MAST3: variants seen among roughly 807,000 people sequenced by gnomAD.
MAST3 encodes the protein microtubule-associated serine/threonine-protein kinase 3.
Under a neutral mutation model 127.0 loss-of-function variants are expected in MAST3, and 43 were observed. The observed-to-expected ratio is 0.34, with a 90% CI of 0.27 to 0.44. The LOEUF (loss-of-function observed/expected upper bound fraction) is 0.44. Ranked by LOEUF, MAST3 falls within the 20% of genes least tolerant of loss-of-function variation. MAST3 has a pLI of 1.00. For missense variants in MAST3, 1,390 were observed against 1,919.1 expected, an observed-to-expected ratio of 0.72 and a Z score of 5.15; for synonymous variants, 785 against 809.2, an observed-to-expected ratio of 0.97 and a Z score of 0.51.
rs2043421528 is a variant in MAST3 at position 18,149,990 on chromosome 19, T to C, written c.*264T>C. On this transcript the variant is annotated 3_prime_UTR_variant, in exon 28 of 28. Coordinates refer to ENST00000687212, the MANE Select transcript of MAST3 (RefSeq NM_001393504.1). This position sits in a 1 kb window ranked among gnomAD's most constrained non-coding sequence, Gnocchi z 5.9. ...TAATTTATTACTTTTTTTTTCTTTT[T>C]TTTTTTTTTTTTTTGAGACAGAGTC... 2.4e-5 allele frequency: 8 copies of C among 330,152 alleles called. No individual in the cohort carries two copies. Among genetic ancestry groups the C allele is most frequent in the Admixed American group, 5.2e-5 (1 of 19,238 alleles). 20.5% of individuals were successfully genotyped at this position (330,152 alleles called of 1,614,324 possible). A position where few individuals can be genotyped will look rare whatever the true frequency, so the allele number is the denominator to read the frequency against.
intron 1 of MAST3, among the ~76,000 whole-genome samples, chr19:18,104,793 A>G (rs966895532): frequency 6.6e-6 from 1 of 152,204 alleles, no homozygotes; most frequent in African/African-American, 2.4e-5. Flanking sequence ...GAGGTGGCTC[A>G]GTAAATGCAA....
At chr19:18,119,607 G>A (rs942678756) in intron 3 of MAST3, among the ~76,000 whole-genome samples, 4 of 152,184 alleles carry the variant, frequency 2.6e-5, no homozygotes, top group African/African-American at 2.4e-5. Flanking sequence ...CTGCCCTCCC[G>A]GCGTGAGCCA....
rs368254046 is a variant in MAST3 at position 18,137,223 on chromosome 19, C to A, written c.1973-16C>A. On this transcript the variant is annotated splice_polypyrimidine_tract_variant and intron_variant, in intron 18 of 27. Coordinates refer to ENST00000687212, the MANE Select transcript of MAST3 (RefSeq NM_001393504.1). The stretch of plus-strand genomic sequence containing the variant: ...TGAGGTGAGGACCTGCAGGGCTCAG[C>A]GGGGCATATCTGCAGGTGGCACCCA... 1 of 1,604,278 alleles carries A rather than the reference C, an allele frequency of 6.2e-7. No homozygotes were observed. Among genetic ancestry groups the A allele is most frequent in the Admixed American group, 1.7e-5 (1 of 59,532 alleles).
Position 18,110,032 on chromosome 19 carries a change from G to A in MAST3, c.72-620G>A. 1 of 985,358 alleles carries A rather than the reference G, an allele frequency of 1.0e-6. No individual in the cohort carries two copies. The highest frequency in any genetic ancestry group is 6.1e-5 in the Admixed American group (1 of 16,278). The allele number at this position is 985,358 out of a possible 1,614,324, so 61.0% of individuals were successfully genotyped here. ...GGGCTCCCAAGCCGGCGGCCTCGGCGTCCCTGCGGCAGACAGGGCGGCACC... is the reference window on the plus strand; with the variant it reads ...GGGCTCCCAAGCCGGCGGCCTCGGCATCCCTGCGGCAGACAGGGCGGCACC... On this transcript the variant is annotated intron_variant, in intron 2 of 27. Transcript: ENST00000687212. This position sits in a 1 kb window ranked among gnomAD's most constrained non-coding sequence, Gnocchi z 4.3.
intron 1 of MAST3, among the ~76,000 whole-genome samples, chr19:18,100,126 C>CTTTTTTTTTTT (rs201140700): frequency 2.1e-4 from 24 of 117,028 alleles, no homozygotes; most frequent in African/African-American, 6.4e-4. Flanking sequence ...CTCTCTCTCT[C>CTTTTTTTTTTT]TCTTTTTTTT....
chr19:18,135,489 T>A (rs1206786108), intron 17 of MAST3, among the ~76,000 whole-genome samples: 1 of 150,190 alleles, frequency 6.7e-6, no homozygotes, highest in Non-Finnish European at 1.5e-5. Context: ...AGAAGTGACA[T>A]GTGAGCAGAG....
chr19:18,123,506 G>T, intron 7 of MAST3, 74 bp from the exon 8 acceptor site: 1 of 1,470,490 alleles, frequency 6.8e-7, no homozygotes, highest in South Asian at 1.4e-5. Flanking sequence ...CTCAACCCTG[G>T]CTCAGATCCC....
rs1315603069 is a variant in MAST3 at position 18,112,783 on chromosome 19, T to A, written c.161+2042T>A. 6.6e-6 allele frequency among the ~76,000 whole-genome samples: 1 copy of A among 152,128 alleles called. No individual in the cohort carries two copies. Among genetic ancestry groups the A allele is most frequent in the African/African-American group, 2.4e-5 (1 of 41,430 alleles). On this transcript the variant is annotated intron_variant, in intron 3 of 27. Coordinates refer to ENST00000687212, the MANE Select transcript of MAST3 (RefSeq NM_001393504.1). The surrounding 1 kb of genome is among the most constrained non-coding windows in gnomAD (Gnocchi z 4.1). ...ACTGCACCCCGCCTGAGATTTTTTT[T>A]AAGCCTCTGTGTCTGCCTTGGGGGG...
chr19:18,123,757 G>T (rs740692), intron 8 of MAST3, 102 bp downstream of exon 8: 151,942 of 1,152,782 alleles, frequency 0.13, 10,826 homozygotes, highest in Middle Eastern at 0.15. Flanking sequence ...TTGCCAGTCT[G>T]TTCATTTCTG....
intron 3 of MAST3, among the ~76,000 whole-genome samples, chr19:18,113,841 A>G (rs767383832): frequency 5.3e-5 from 8 of 151,994 alleles, no homozygotes; most frequent in Non-Finnish European, 1.2e-4. Context: ...CAGGTGATCC[A>G]CCCGCCTTGG....
chr19:18,132,328 G>A (rs1470887404), intron 15 of MAST3, among the ~76,000 whole-genome samples: 2 of 152,194 alleles, frequency 1.3e-5, no homozygotes, highest in Non-Finnish European at 2.9e-5. Flanking sequence ...CCAATCCAGG[G>A]GAGAGGATGT....
chr19:18,147,725 G>T, intron 27 of MAST3, 101 bp downstream of exon 27: 1 of 858,400 alleles, frequency 1.2e-6, no homozygotes. Flanking sequence ...ATGACACGAT[G>T]TAGGGAAAAA....
At chr19:18,127,241 G>A (rs1020255820) in intron 11 of MAST3, among the ~76,000 whole-genome samples, 2 of 148,168 alleles carry the variant, frequency 1.3e-5, no homozygotes, top group African/African-American at 2.5e-5. Context: ...CAGAGCAAGA[G>A]CCTGTCTCTG....
chr19:18,104,240 G>C (rs1040185272), intron 1 of MAST3, among the ~76,000 whole-genome samples: 5 of 145,944 alleles, frequency 3.4e-5, no homozygotes, highest in Non-Finnish European at 7.4e-5. Flanking sequence ...TATTGGAAGG[G>C]GAAGAAGGAG....
In MAST3 at chr19:18,133,986, C is replaced by T. The variant is rs567048612; in HGVS notation, c.1572-593C>T. On this transcript the variant is annotated intron_variant, in intron 15 of 27. Transcript: ENST00000687212. ...CACCAGCTGTATGAAGTCGCATTTC[C>T]GTGCACCTTCTGGGTGCATCTGCCA... 6.6e-5 allele frequency among the ~76,000 whole-genome samples: 10 copies of T among 152,260 alleles called. No homozygotes were observed. In the South Asian group the frequency reaches 8.3e-4, roughly 13 times the overall value.
intron 1 of MAST3, among the ~76,000 whole-genome samples, chr19:18,101,848 T>G (rs183781298): frequency 2.5e-4 from 37 of 150,624 alleles, no homozygotes; most frequent in African/African-American, 9.0e-4. Flanking sequence ...GTAGAGATGG[T>G]GTTTCACCAT....
rs201267045 is a variant in MAST3, at chr19:18,106,844, TAC to T, written c.40-741_40-740del. 3.2e-4 allele frequency among the ~76,000 whole-genome samples: 49 copies of T among 151,870 alleles called. 2 individuals are homozygous for T. The East Asian group carries it at 9.5e-3, about 29-fold the overall frequency. On this transcript the variant is annotated intron_variant, in intron 1 of 27. Transcript: ENST00000687212. ...CCTCAGCCTCCCAAAGCTCTGGGAT[TAC>T]AGGTATGAGCCACTGCGCCTGACCG...
chr19:18,116,090 CT>C (rs3048876), intron 3 of MAST3, among the ~76,000 whole-genome samples: 1,228 of 86,224 alleles, frequency 0.014, 8 homozygotes, highest in Middle Eastern at 0.062. Context: ...TTGAAATTAT[CT>C]TTTTTTTTTT....
chr19:18,132,857 C>T (rs1048729669), intron 15 of MAST3, among the ~76,000 whole-genome samples: 8 of 152,206 alleles, frequency 5.3e-5, no homozygotes, highest in African/African-American at 9.7e-5. Flanking sequence ...AATCCCAGCA[C>T]TTTGGGAGGC....
Sources: allele counts gnomAD v4.1 joint callset (sites outside exome capture counted in the v4.1 genomes callset), GRCh38; gene constraint gnomAD v4.1.1; non-coding constraint Gnocchi (gnomAD v3.1); transcripts MANE v1.5; gene names NCBI Gene and HGNC (gene_info 2026-07-23, HGNC 2026-07-21).